Variants in KANSL1L observed in about 807,000 individuals in gnomAD.
The protein encoded by KANSL1L is KAT8 regulatory NSL complex subunit 1-like protein.
Under a neutral mutation model 108.6 loss-of-function variants are expected in KANSL1L, and 25 were observed. The ratio of observed to expected loss-of-function variants is 0.23; its 90% CI spans 0.17 to 0.32. The LOEUF is 0.32. Among genes scored for constraint, KANSL1L ranks in the 10% least tolerant of loss-of-function variants. The pLI is 1.00. For synonymous variants in KANSL1L, 405 were observed against 395.1 expected (o/e 1.03, Z -0.30); for missense variants, 1,137 against 1,125.7 (o/e 1.01, Z -0.14).
chr2:210,033,914 G>T (rs2094063111), intron 8 of KANSL1L, among the ~76,000 whole-genome samples: 1 of 151,916 alleles, frequency 6.6e-6, no homozygotes, highest in Admixed American at 6.6e-5. Context: ...TTACTGTCTT[G>T]TAAGGTTTTC....
At chr2:210,124,629 GAAGA>G in intron 3 of KANSL1L, among the ~76,000 whole-genome samples, 1 of 151,866 alleles carries the variant, frequency 6.6e-6, no homozygotes, top group East Asian at 1.9e-4. Flanking sequence ...AAAGCTAGCA[GAAGA>G]AAGGAAATAA....
chr2:210,022,003 C>CTTTTTT lies in KANSL1L; in HGVS notation c.*940_*945dup, dbSNP rs553479918. ...CTTGCTAATCTAGAAATACAATCAT[C>CTTTTTT]TTTTTTTTTTTTTTCAAATTTTATA... is the stretch of plus-strand genomic sequence containing the variant. On this transcript the variant is annotated 3_prime_UTR_variant, in exon 15 of 15. Transcript: ENST00000281772. The CTTTTTT allele has an allele frequency of 0.016, 2,180 of 134,520 alleles. 66 individuals are homozygous for CTTTTTT. Among genetic ancestry groups the CTTTTTT allele is most frequent in the African/African-American group, 0.057 (2,070 of 36,536 alleles). The allele number at this position is 134,520 out of a possible 1,614,324, so 8.3% of individuals were successfully genotyped here.
intron 5 of KANSL1L, among the ~76,000 whole-genome samples, chr2:210,077,662 C>A (rs1052805628): frequency 6.6e-6 from 1 of 152,170 alleles, no homozygotes; most frequent in African/African-American, 2.4e-5. Context: ...GCAGAACTTA[C>A]ACTGGCTCTT....
intron 2 of KANSL1L, among the ~76,000 whole-genome samples, chr2:210,147,471 TA>T (rs1390707932): frequency 6.6e-6 from 1 of 152,086 alleles, no homozygotes; most frequent in Non-Finnish European, 1.5e-5. Context: ...AAAATAAAAA[TA>T]AAATATTTCT....
chr2:210,027,782 ATC>A (rs1374164138), intron 11 of KANSL1L, among the ~76,000 whole-genome samples: 1 of 152,192 alleles, frequency 6.6e-6, no homozygotes, highest in Non-Finnish European at 1.5e-5. Flanking sequence ...ATATTTAACT[ATC>A]TGCTCAGCCA....
At chr2:210,025,453 G>A (rs1283218520) in intron 12 of KANSL1L, among the ~76,000 whole-genome samples, 2 of 152,196 alleles carry the variant, frequency 1.3e-5, no homozygotes, top group Admixed American at 1.3e-4. Flanking sequence ...CTACTCGGGA[G>A]GCTGAGGCAG....
At chr2:210,162,826 G>A (rs1313964907) in intron 1 of KANSL1L, among the ~76,000 whole-genome samples, 1 of 152,092 alleles carries the variant, frequency 6.6e-6, no homozygotes, top group Non-Finnish European at 1.5e-5. Flanking sequence ...AACAGGTCAA[G>A]CAGATGAAGA....
chr2:210,092,762 G>C lies in KANSL1L; in HGVS notation c.1550+5324C>G, dbSNP rs561454788. Among the ~76,000 whole-genome samples the C allele has an allele frequency of 6.6e-5, 10 of 152,116 alleles. No homozygotes were observed. In the East Asian group the frequency reaches 1.9e-3, roughly 29 times the overall value. On this transcript the variant is annotated intron_variant, in intron 5 of 14. Coordinates refer to ENST00000281772, the MANE Select transcript of KANSL1L (RefSeq NM_152519.4). ...CAAATTATTCATGAGGATTTCCCTA[G>C]GCTAAAAAAGGTGCCTTCCTCCAGA... is the stretch of plus-strand genomic sequence containing the variant.
chr2:210,162,839 G>A (rs756352415), intron 1 of KANSL1L, among the ~76,000 whole-genome samples: 4 of 152,110 alleles, frequency 2.6e-5, no homozygotes, highest in Admixed American at 2.0e-4. Flanking sequence ...GATGAAGATA[G>A]CAAAGCCGAT....
intron 8 of KANSL1L, among the ~76,000 whole-genome samples, chr2:210,038,028 C>T (rs1482188749): frequency 6.6e-6 from 1 of 152,052 alleles, no homozygotes; most frequent in Non-Finnish European, 1.5e-5. Context: ...CCTTTTATAT[C>T]ACAACATTCT....
At chr2:210,075,787 G>A (rs1178949021) in intron 5 of KANSL1L, 31 bp from the exon 6 acceptor site, 20 of 1,519,556 alleles carry the variant, frequency 1.3e-5, no homozygotes, top group Middle Eastern at 1.8e-4. Context: ...TAGGGCGTGG[G>A]AAGGGAATAA....
At chr2:210,038,244 G>A (rs1298634975) in intron 8 of KANSL1L, among the ~76,000 whole-genome samples, 3 of 152,052 alleles carry the variant, frequency 2.0e-5, no homozygotes, top group Non-Finnish European at 2.9e-5. Flanking sequence ...AAATGGAATA[G>A]TTGGGTCAGA....
intron 3 of KANSL1L, among the ~76,000 whole-genome samples, chr2:210,117,218 A>G (rs975707752): frequency 6.6e-6 from 1 of 152,176 alleles, no homozygotes; most frequent in African/African-American, 2.4e-5. Flanking sequence ...AGAAAAAAGA[A>G]TAAAAAGTAA....
chr2:210,092,928 G>GT (rs538266563), intron 5 of KANSL1L, among the ~76,000 whole-genome samples: 1,569 of 142,512 alleles, frequency 0.011, 21 homozygotes, highest in African/African-American at 0.034. Flanking sequence ...TAGGTTTTTT[G>GT]TTTTTTTTTT....
intron 2 of KANSL1L, among the ~76,000 whole-genome samples, chr2:210,133,882 T>A (rs1213099847): frequency 6.6e-6 from 1 of 152,184 alleles, no homozygotes; most frequent in East Asian, 1.9e-4. Context: ...ATTTCTTTTT[T>A]CCTTTATGTA....
At chr2:210,027,257 A>C in intron 12 of KANSL1L, 39 bp downstream of exon 12, 1 of 1,318,910 alleles carries the variant, frequency 7.6e-7, no homozygotes, top group Non-Finnish European at 1.1e-6. Flanking sequence ...TTCATAATAC[A>C]TAATGTGCAA....
At chr2:210,045,666 T>G (rs1232721301) in intron 6 of KANSL1L, among the ~76,000 whole-genome samples, 1 of 152,242 alleles carries the variant, frequency 6.6e-6, no homozygotes, top group Non-Finnish European at 1.5e-5. Context: ...CAGTTTTTAC[T>G]TGTCTGAAAC....
chr2:210,079,650 A>ATATGTATGTGTG (rs1553653252), intron 5 of KANSL1L, among the ~76,000 whole-genome samples: 4 of 19,526 alleles, frequency 2.0e-4, no homozygotes, highest in African/African-American at 5.2e-4. Context: ...ATATATATAT[A>ATATGTATGTGTG]TATATATATA....
chr2:210,029,076 G>A (rs907649891), intron 10 of KANSL1L, 107 bp from the exon 11 acceptor site: 4 of 924,242 alleles, frequency 4.3e-6, no homozygotes, highest in Non-Finnish European at 6.5e-6. Context: ...CATAATTTTT[G>A]TAAATACATT....
Sources: gnomAD v4.1 joint callset for allele counts (sites outside exome capture counted in the v4.1 genomes callset) on GRCh38, gnomAD v4.1.1 for gene constraint, MANE v1.5 for transcripts, NCBI Gene and HGNC (gene_info 2026-07-23, HGNC 2026-07-21) for gene names.